The following ZNF146 variants were observed in gnomAD, a reference collection of about 807,000 sequenced individuals.
ZNF146 encodes the protein zinc finger protein 146.
A neutral mutation model predicts 22.2 loss-of-function variants in ZNF146; 9 were observed. The ratio of observed to expected loss-of-function variants is 0.41; its 90% CI spans 0.24 to 0.71. ZNF146 has a LOEUF of 0.71. ZNF146 is among the 30% of genes least tolerant of loss of function. The pLI, the probability that ZNF146 is intolerant of heterozygous loss-of-function variation, is 0.34. For synonymous variants in ZNF146, 108 were observed against 119.2 expected (o/e 0.91, Z 0.61); for missense variants, 194 against 344.8 (o/e 0.56, Z 3.46).
chr19:36,228,580 G>A (rs567054315), intron 2 of ZNF146, 168 bp from the exon 3 acceptor site: 2 of 152,304 alleles, frequency 1.3e-5, no homozygotes, highest in East Asian at 3.9e-4. Context: ...ACATGATTGT[G>A]TGTGCTTTAG....
intron 3 of ZNF146, among the ~76,000 whole-genome samples, chr19:36,233,915 G>A (rs942242972): frequency 2.0e-5 from 3 of 146,652 alleles, no homozygotes; most frequent in Non-Finnish European, 2.9e-5. Context: ...GACCCTTTAC[G>A]GGTGTCGGAC....
chr19:36,217,469 A>G (rs1976660002), intron 1 of ZNF146, among the ~76,000 whole-genome samples: 1 of 152,148 alleles, frequency 6.6e-6, no homozygotes, highest in East Asian at 1.9e-4. Flanking sequence ...ACAAAATAAT[A>G]CATAGCTGTA....
Position 36,237,107 on chromosome 19 carries a change from C to A in ZNF146, c.667C>A (p.Gln223Lys), listed in dbSNP as rs778830074. The change falls in exon 4 of 4, where the codon CAG becomes AAG. Residue 223 changes from glutamine (Q) to lysine (K), a missense_variant. Physicochemically the swap from Gln to Lys is moderately conservative, Grantham distance 53. Coordinates refer to ENST00000443387, the MANE Select transcript of ZNF146 (RefSeq NM_007145.3). ...CAATGTTTGTGGAAAAGCCTTCTCT[C>A]AGAGCTCATCTCTCACTGTGCATGT... ...ECNVCGKAFSQSSSLTVHVRS... is the reference protein window; with the variant it reads ...ECNVCGKAFSKSSSLTVHVRS... 1 of 1,614,164 alleles carries A rather than the reference C, an allele frequency of 6.2e-7. No homozygotes were observed. Among genetic ancestry groups the A allele is most frequent in the Non-Finnish European group, 8.5e-7 (1 of 1,180,026 alleles).
intron 3 of ZNF146, among the ~76,000 whole-genome samples, chr19:36,233,758 C>T (rs960649338): frequency 1.1e-4 from 16 of 152,192 alleles, no homozygotes; most frequent in Admixed American, 4.6e-4. Flanking sequence ...AGCCCTAAGG[C>T]GGTTTTCCCC....
intron 2 of ZNF146, among the ~76,000 whole-genome samples, chr19:36,225,842 C>T (rs117479727): frequency 0.058 from 8,615 of 147,936 alleles, 333 homozygotes; most frequent in Non-Finnish European, 0.085. Context: ...CTCACTGCAA[C>T]GTCCACCTCC....
At chr19:36,224,421 G>A (rs1159594521) in intron 2 of ZNF146, among the ~76,000 whole-genome samples, 1 of 152,144 alleles carries the variant, frequency 6.6e-6, no homozygotes, top group Non-Finnish European at 1.5e-5. Context: ...ACTATTTTTA[G>A]GATGCCACTT....
chr19:36,231,909 TAAA>T (rs60263832), intron 3 of ZNF146, among the ~76,000 whole-genome samples: 1 of 145,884 alleles, frequency 6.9e-6, no homozygotes, highest in Non-Finnish European at 1.5e-5. Context: ...CTTTTTTATT[TAAA>T]AAAAAAAAGG....
chr19:36,215,737 A>G (rs1192520507), intron 1 of ZNF146, among the ~76,000 whole-genome samples: 1 of 152,028 alleles, frequency 6.6e-6, no homozygotes, highest in Non-Finnish European at 1.5e-5. Context: ...TCAAATCCCC[A>G]TCTTTGGGGT....
At chr19:36,223,508 G>T (rs144577512) in intron 2 of ZNF146, among the ~76,000 whole-genome samples, 6 of 151,850 alleles carry the variant, frequency 4.0e-5, no homozygotes, top group African/African-American at 1.2e-4. Flanking sequence ...GACTACAGGC[G>T]CATGCCACCA....
rs192379224 is a variant in ZNF146 at position 36,219,519 on chromosome 19, T to A, written c.-855+1324T>A. On this transcript the variant is annotated intron_variant, in intron 2 of 3. Transcript: ENST00000443387. ...GAATCTCTGATGATTTTTTTTTTAA[T>A]TCTAATTGTGATTGATTTTTGGCCA... Among the ~76,000 whole-genome samples the A allele has an allele frequency of 2.5e-3, 384 of 152,294 alleles. 3 individuals carry two copies. Among genetic ancestry groups the A allele is most frequent in the African/African-American group, 8.8e-3 (366 of 41,542 alleles).
At chr19:36,215,010 G>C (rs1976534327), upstream of ZNF146, 1 of 152,324 alleles carries the variant, frequency 6.6e-6, no homozygotes, top group African/African-American at 2.4e-5. Context: ...CGACGTTGCT[G>C]GTAATAGAAG....
In ZNF146 at chr19:36,237,484, A is replaced by T; in HGVS notation, c.*165A>T. ...GAAAATTTGTACTGAAGAGAAAGAC[A>T]TGCATATGATTAAAACCCTGTGTCC... On this transcript the variant is annotated 3_prime_UTR_variant, in exon 4 of 4. Transcript: ENST00000443387. 1.3e-6 allele frequency: 1 copy of T among 757,374 alleles called. No homozygotes were observed. The highest frequency in any genetic ancestry group is 2.3e-5 in the South Asian group (1 of 43,104). The allele number at this position is 757,374 out of a possible 1,614,324, so 46.9% of individuals were successfully genotyped here. A position where few individuals can be genotyped will look rare whatever the true frequency, so the allele number is the denominator to read the frequency against.
intron 3 of ZNF146, among the ~76,000 whole-genome samples, chr19:36,232,450 G>T (rs1977423496): frequency 6.6e-6 from 1 of 151,814 alleles, no homozygotes; most frequent in Non-Finnish European, 1.5e-5. Flanking sequence ...CCTTAAACAT[G>T]GTTTTAGATT....
In ZNF146 at chr19:36,235,846, T is replaced by C. The variant is rs1179977502; in HGVS notation, c.-595T>C. The stretch of plus-strand genomic sequence containing the variant: ...CCACACCTTTTTGAAGTTTTCAGTT[T>C]GAAACACAACCTGGACTGAAATCAT... On this transcript the variant is annotated 5_prime_UTR_variant, in exon 4 of 4. Transcript: ENST00000443387. 1 of 152,256 alleles carries C rather than the reference T, an allele frequency of 6.6e-6. No homozygotes were observed. The highest frequency in any genetic ancestry group is 1.5e-5 in the Non-Finnish European group (1 of 68,074). The allele number at this position is 152,256 out of a possible 1,614,324, so 9.4% of individuals were successfully genotyped here.
In ZNF146 at chr19:36,237,037, T is replaced by C; in HGVS notation, c.597T>C (p.Leu199=). Residue 199 remains leucine, a synonymous_variant, in exon 4 of 4, where the codon CTT becomes CTC. Coordinates refer to ENST00000443387, the MANE Select transcript of ZNF146 (RefSeq NM_007145.3). ...AAGCCTTCTCTCAGCGAACATCACTTATTGTACATGTGAGGATTCATTCAG... is the reference window on the plus strand; with the variant it reads ...AAGCCTTCTCTCAGCGAACATCACTCATTGTACATGTGAGGATTCATTCAG... ...CGKAFSQRTS[L]IVHVRIHSGD... 2 of 1,614,010 alleles carry C rather than the reference T, an allele frequency of 1.2e-6. No individual in the cohort carries two copies. Among genetic ancestry groups the C allele is most frequent in the South Asian group, 2.2e-5 (2 of 91,060 alleles).
chr19:36,226,417 T>C (rs1275319916), intron 2 of ZNF146, among the ~76,000 whole-genome samples: 3 of 152,224 alleles, frequency 2.0e-5, no homozygotes, highest in Non-Finnish European at 4.4e-5. Flanking sequence ...TATGTGAAAC[T>C]TAAATTTTTT....
intron 2 of ZNF146, among the ~76,000 whole-genome samples, chr19:36,221,284 CTTTTT>C (rs74172797): frequency 4.1e-5 from 4 of 98,700 alleles, no homozygotes; most frequent in African/African-American, 1.7e-4. Context: ...TAAGGGACTG[CTTTTT>C]TTTTTTTTTT....
intron 2 of ZNF146, among the ~76,000 whole-genome samples, chr19:36,218,767 C>G (rs992367061): frequency 6.6e-6 from 1 of 151,296 alleles, no homozygotes; most frequent in South Asian, 2.1e-4. Flanking sequence ...CTGCGCCCGG[C>G]CTAATATTTC....
Position 36,236,948 on chromosome 19 carries a change from T to C in ZNF146, c.508T>C (p.Tyr170His). The stretch of plus-strand genomic sequence containing the variant: ...TGGAACAGCCTTTGGCCAGAAGAAG[T>C]ACCTCATAAAACATCAGAACATTCA... ...ECGTAFGQKK[Y>H]LIKHQNIHTG... Residue 170 changes from tyrosine to histidine, a missense_variant, in exon 4 of 4, where the codon TAC (tyrosine) becomes CAC (histidine). Around this residue, in one of 2 missense-constraint regions of ZNF146, gnomAD observed 147 missense variants for 300.1 expected, o/e 0.49. Transcript: ENST00000443387. 1 of 1,614,066 alleles carries C rather than the reference T, an allele frequency of 6.2e-7. No homozygotes were observed. The highest frequency in any genetic ancestry group is 8.5e-7 in the Non-Finnish European group (1 of 1,180,006).
Sources: allele counts gnomAD v4.1 joint callset (sites outside exome capture counted in the v4.1 genomes callset), GRCh38; gene constraint gnomAD v4.1.1; regional missense constraint gnomAD v4.1.1; transcripts MANE v1.5; gene names NCBI Gene and HGNC (gene_info 2026-07-23, HGNC 2026-07-21).